PCLO: variants seen among roughly 807,000 people sequenced by gnomAD.
PCLO encodes piccolo presynaptic cytomatrix protein, also known as protein piccolo.
PCLO carries 82 observed loss-of-function variants against 427.5 expected under a neutral mutation model. The observed-to-expected ratio is 0.19, with a 90% CI of 0.16 to 0.23. The LOEUF (loss-of-function observed/expected upper bound fraction) is 0.23. Among genes scored for constraint, PCLO ranks in the 10% least tolerant of loss-of-function variants. The pLI, the probability that PCLO is intolerant of heterozygous loss-of-function variation, is 1.00. For missense variants in PCLO, 6,239 were observed against 6,115.9 expected, an observed-to-expected ratio of 1.02 and a Z score of -0.67; for synonymous variants, 2,357 against 2,155.4, an observed-to-expected ratio of 1.09 and a Z score of -2.59.
chr7:82,903,038 G>C (rs190760475), intron 8 of PCLO, among the ~76,000 whole-genome samples: 1 of 151,990 alleles, frequency 6.6e-6, no homozygotes, highest in African/African-American at 2.4e-5. Context: ...TACTACAGTA[G>C]TATGCAGTCA....
chr7:82,892,318 A>C (rs1169942577), intron 9 of PCLO, among the ~76,000 whole-genome samples: 2 of 152,102 alleles, frequency 1.3e-5, no homozygotes, highest in African/African-American at 2.4e-5. Flanking sequence ...CAAAAACAAG[A>C]AATGGGGAAA....
chr7:82,847,779 C>G (rs1281042726), intron 10 of PCLO, among the ~76,000 whole-genome samples: 8 of 152,068 alleles, frequency 5.3e-5, no homozygotes, highest in Admixed American at 4.6e-4. Flanking sequence ...CACGGTATGC[C>G]AGACATCCCT....
chr7:83,083,904 G>A (rs1790165985), intron 3 of PCLO, among the ~76,000 whole-genome samples: 1 of 152,112 alleles, frequency 6.6e-6, no homozygotes, highest in East Asian at 1.9e-4. Context: ...GTAAGAATAA[G>A]AACAGAGTGA....
rs554964870 is a variant in PCLO at position 82,942,799 on chromosome 7, T to A, written c.11112+6677A>T. ...AAATATCATGAGAAAACATTAGTAA[T>A]GAAGAAGGTAAGAGCTATAGAAAGA... On this transcript the variant is annotated intron_variant, in intron 6 of 24. Transcript: ENST00000333891. 2.0e-5 allele frequency among the ~76,000 whole-genome samples: 3 copies of A among 152,148 alleles called. No individual in the cohort carries two copies. The South Asian group carries it at 6.2e-4, about 32-fold the overall frequency.
chr7:83,076,740 TAAAC>T (rs1261145021), intron 3 of PCLO, among the ~76,000 whole-genome samples: 1 of 147,854 alleles, frequency 6.8e-6, no homozygotes, highest in Non-Finnish European at 1.5e-5. Context: ...AAAAAGCAAA[TAAAC>T]AAACAAATCT....
Position 83,135,648 on chromosome 7 carries a change from C to T in PCLO, c.1902G>A (p.Glu634=). ...NPNPHLTEVK[E]WLCLNCQMKR... ...TCATTTGACAGTTCAAACAGAGCCA[C>T]TCTTTTACCTACAAATAATATAAAA... is the stretch of plus-strand genomic sequence containing the variant. Residue 634 remains glutamate (E), a synonymous_variant, in exon 3 of 25, where the codon GAG becomes GAA. Coordinates refer to ENST00000333891, the MANE Select transcript of PCLO (RefSeq NM_033026.6). The T allele has an allele frequency of 6.3e-7, 1 of 1,580,050 alleles. No individual in the cohort carries two copies. Among genetic ancestry groups the T allele is most frequent in the Non-Finnish European group, 8.6e-7 (1 of 1,162,506 alleles).
rs746852826 is a variant in PCLO at position 82,954,643 on chromosome 7, C to G, written c.6310G>C (p.Ala2104Pro). 5 of 1,613,910 alleles carry G rather than the reference C, an allele frequency of 3.1e-6. No homozygotes were observed. The South Asian group carries it at 4.4e-5, about 14-fold the overall frequency. The change falls in exon 5 of 25, where the codon GCC becomes CCC. Residue 2104 changes from alanine to proline, a missense_variant. Physicochemically the swap from Ala to Pro is conservative, Grantham distance 27 (BLOSUM62 -1). This residue lies in a region of PCLO where 4,677 missense variants were observed against 4,468.4 expected (regional missense o/e 1.05). Transcript: ENST00000333891. ...GAGAGAACACTTGATGTCAAAGAGG[C>G]ATCTGGCATTCTGTCAAAGTCCATG... The part of the protein sequence containing the change: ...STMDFDRMPD[A>P]SLTSSVLSGA...
intron 1 of PCLO, among the ~76,000 whole-genome samples, chr7:83,158,521 CA>C (rs147074191): frequency 9.4e-5 from 14 of 148,816 alleles, no homozygotes; most frequent in East Asian, 2.0e-4. Context: ...AGCAGAGTAC[CA>C]AAAAAAAAAT....
intron 10 of PCLO, among the ~76,000 whole-genome samples, chr7:82,867,007 A>G (rs548115852): frequency 7.0e-4 from 106 of 152,308 alleles, no homozygotes; most frequent in Non-Finnish European, 7.1e-4. Flanking sequence ...GAGTCAACCA[A>G]TGTATTCTGC....
intron 3 of PCLO, among the ~76,000 whole-genome samples, chr7:83,041,831 T>C (rs2116214258): frequency 6.6e-6 from 1 of 152,320 alleles, no homozygotes; most frequent in East Asian, 1.9e-4. Flanking sequence ...GGACTTGGTC[T>C]ACATTTTCTC....
At chr7:82,776,001 C>T (rs1183795636) in intron 22 of PCLO, among the ~76,000 whole-genome samples, 1 of 152,010 alleles carries the variant, frequency 6.6e-6, no homozygotes, top group Non-Finnish European at 1.5e-5. Flanking sequence ...ATTGTTGTTA[C>T]TGTCATTATG....
At chr7:82,762,093 C>T (rs759591619) in intron 22 of PCLO, among the ~76,000 whole-genome samples, 2 of 152,010 alleles carry the variant, frequency 1.3e-5, no homozygotes, top group African/African-American at 4.8e-5. Flanking sequence ...CCAAAACGTG[C>T]GTGCTTATTG....
chr7:82,952,565 G>C lies in PCLO; in HGVS notation c.8388C>G (p.Thr2796=). 2 of 1,613,896 alleles carry C rather than the reference G, an allele frequency of 1.2e-6. No individual in the cohort carries two copies. The highest frequency in any genetic ancestry group is 1.7e-6 in the Non-Finnish European group (2 of 1,179,848). ...TTGCACTAGCTGTGCATGTGACAAA[G>C]GTCACTGTCTCAGTGGCCAGAGATA... ...TPVSLATETV[T]FVTCTASASY... Residue 2796 remains threonine, a synonymous_variant, in exon 5 of 25, where the codon ACC becomes ACG. Coordinates refer to ENST00000333891, the MANE Select transcript of PCLO (RefSeq NM_033026.6).
chr7:83,019,881 T>C (rs1384121269), intron 3 of PCLO, among the ~76,000 whole-genome samples: 1 of 152,110 alleles, frequency 6.6e-6, no homozygotes, highest in African/African-American at 2.4e-5. Flanking sequence ...ATTCAATGTC[T>C]TATTTCAAAA....
At chr7:82,806,683 T>C (rs1269517111) in intron 20 of PCLO, among the ~76,000 whole-genome samples, 3 of 152,182 alleles carry the variant, frequency 2.0e-5, no homozygotes, top group Admixed American at 6.5e-5. Flanking sequence ...AGAGTGAACT[T>C]TTCGGTCACA....
At chr7:83,075,526 A>T (rs999429351) in intron 3 of PCLO, among the ~76,000 whole-genome samples, 3 of 152,184 alleles carry the variant, frequency 2.0e-5, no homozygotes, top group Non-Finnish European at 4.4e-5. Context: ...ATGAGTTCTA[A>T]AACATGACAA....
chr7:82,873,985 T>G (rs1793304931), intron 10 of PCLO, among the ~76,000 whole-genome samples: 1 of 152,186 alleles, frequency 6.6e-6, no homozygotes, highest in Non-Finnish European at 1.5e-5. Context: ...AGAGGTAACT[T>G]TGCATTTTGT....
intron 3 of PCLO, among the ~76,000 whole-genome samples, chr7:83,104,074 A>G (rs1457915102): frequency 1.3e-5 from 2 of 152,148 alleles, no homozygotes; most frequent in African/African-American, 4.8e-5. Flanking sequence ...TCTCTAAAAC[A>G]TATATTCTAA....
rs780126919 is a variant in PCLO at position 82,952,513 on chromosome 7, C to A, written c.8440G>T (p.Val2814Leu). ...GTTGTCATTGCATGTTCTGCACCCA[C>A]TAGGCTTTCTGTGCCTGTAGTGTAA... is the stretch of plus-strand genomic sequence containing the variant. ...ASYTTGTESL[V>L]GAEHAMTTPL... is the part of the protein sequence containing the mutation. The change falls in exon 5 of 25, where the codon GTG (valine) becomes TTG (leucine). Residue 2814 changes from valine to leucine, a missense_variant. Transcript: ENST00000333891. 2 of 1,613,946 alleles carry A rather than the reference C, an allele frequency of 1.2e-6. No individual in the cohort carries two copies. The highest frequency in any genetic ancestry group is 2.2e-5 in the East Asian group (1 of 44,870).
Sources: allele counts gnomAD v4.1 joint callset (sites outside exome capture counted in the v4.1 genomes callset), GRCh38; gene constraint gnomAD v4.1.1; regional missense constraint gnomAD v4.1.1; transcripts MANE v1.5; gene names NCBI Gene and HGNC (gene_info 2026-07-23, HGNC 2026-07-21).